SHC3: variants seen among roughly 807,000 people sequenced by gnomAD.
SHC3 encodes SHC-transforming protein 3.
A neutral mutation model predicts 60.4 loss-of-function variants in SHC3; 15 were observed. The observed-to-expected ratio is 0.25, with a 90% CI of 0.17 to 0.38. SHC3 has a LOEUF of 0.38. Among genes scored for constraint, SHC3 ranks in the 10% least tolerant of loss-of-function variants. The pLI, the probability that SHC3 is intolerant of heterozygous loss-of-function variation, is 1.00. For synonymous variants in SHC3, 294 were observed against 325.9 expected, an observed-to-expected ratio of 0.90 and a Z score of 1.05; for missense variants, 677 against 786.1, an observed-to-expected ratio of 0.86 and a Z score of 1.66.
chr9:89,123,869 TC>T (rs2118147411), intron 1 of SHC3, among the ~76,000 whole-genome samples: 1 of 152,270 alleles, frequency 6.6e-6, no homozygotes, highest in East Asian at 1.9e-4. Context: ...GGGAATGTCA[TC>T]CATGCTAGAC....
In SHC3 at chr9:89,166,902, T is replaced by G. The variant is rs562822852; in HGVS notation, c.474+11085A>C. On this transcript the variant is annotated intron_variant, in intron 1 of 11. Coordinates refer to ENST00000375835, the MANE Select transcript of SHC3 (RefSeq NM_016848.6). ...GCACCTTCTAATGACTGTATTACAC[T>G]TTGCTGTTGTCTGCACCTTGAGGTT... Among the ~76,000 whole-genome samples the G allele has an allele frequency of 2.6e-5, 4 of 152,332 alleles. No individual in the cohort carries two copies. In the East Asian group the frequency reaches 5.8e-4, roughly 22 times the overall value.
At chr9:89,070,699 T>C (rs772267573) in intron 5 of SHC3, among the ~76,000 whole-genome samples, 2 of 152,216 alleles carry the variant, frequency 1.3e-5, no homozygotes, top group Admixed American at 6.5e-5. Flanking sequence ...TCTCTCTCTC[T>C]CTGCAACTCC....
intron 1 of SHC3, among the ~76,000 whole-genome samples, chr9:89,120,331 A>G (rs115516740): frequency 6.6e-6 from 1 of 152,184 alleles, no homozygotes; most frequent in Non-Finnish European, 1.5e-5. Context: ...CAAAACCTTT[A>G]ATATCCAGGG....
intron 11 of SHC3, among the ~76,000 whole-genome samples, chr9:89,030,185 G>T (rs1396661898): frequency 6.6e-6 from 1 of 152,074 alleles, no homozygotes; most frequent in Admixed American, 6.6e-5. Context: ...AGATACAAAA[G>T]TTATACACAC....
intron 6 of SHC3, among the ~76,000 whole-genome samples, chr9:89,056,875 C>G (rs776061564): frequency 6.6e-6 from 1 of 152,254 alleles, no homozygotes; most frequent in Non-Finnish European, 1.5e-5. Flanking sequence ...CCTGCCCAAG[C>G]CAAGGCAAAA....
At chr9:89,033,021 C>G (rs545084733) in intron 11 of SHC3, among the ~76,000 whole-genome samples, 3 of 145,120 alleles carry the variant, frequency 2.1e-5, no homozygotes, top group African/African-American at 7.5e-5. Context: ...AAAAAAGCCC[C>G]CCCACCGAAG....
intron 1 of SHC3, among the ~76,000 whole-genome samples, chr9:89,141,788 C>A (rs1038595695): frequency 1.3e-5 from 2 of 151,830 alleles, no homozygotes; most frequent in Non-Finnish European, 2.9e-5. Flanking sequence ...TTTCAACTTG[C>A]GGTCACAGGG....
intron 7 of SHC3, 86 bp from the exon 8 acceptor site, chr9:89,047,080 A>G: frequency 1.4e-6 from 2 of 1,397,342 alleles, no homozygotes; most frequent in Middle Eastern, 2.1e-4. Context: ...GCCTGTTATT[A>G]AGAAAAGAGA....
intron 9 of SHC3, among the ~76,000 whole-genome samples, chr9:89,042,507 C>T (rs11137490): frequency 0.26 from 39,856 of 152,146 alleles, 6,525 homozygotes; most frequent in African/African-American, 0.46. Flanking sequence ...ACATGCCTGA[C>T]CTCCTCTCCT....
chr9:89,041,088 T>C (rs1427592694), intron 10 of SHC3, among the ~76,000 whole-genome samples: 2 of 152,236 alleles, frequency 1.3e-5, no homozygotes, highest in African/African-American at 4.8e-5. Flanking sequence ...TAGCACATGG[T>C]AGAAAATCAT....
chr9:89,006,742 A>G lies in SHC3; in HGVS notation c.*6705T>C, dbSNP rs1045668118. On this transcript the variant is annotated 3_prime_UTR_variant, in exon 12 of 12. Transcript: ENST00000375835. Reference sequence around the variant, plus strand: ...AAACATTCACATACTTAATTTTACAATATTCTGGAACAAGTTATATTCAAA... The same window carrying G: ...AAACATTCACATACTTAATTTTACAGTATTCTGGAACAAGTTATATTCAAA... 2 of 152,258 alleles carry G rather than the reference A, an allele frequency of 1.3e-5. No individual in the cohort carries two copies. The highest frequency in any genetic ancestry group is 2.9e-5 in the Non-Finnish European group (2 of 68,048). The allele number at this position is 152,258 out of a possible 1,614,324, so 9.4% of individuals were successfully genotyped here. A position where few individuals can be genotyped will look rare whatever the true frequency, so the allele number is the denominator to read the frequency against.
intron 2 of SHC3, among the ~76,000 whole-genome samples, chr9:89,095,967 T>C (rs955340943): frequency 6.6e-6 from 1 of 152,170 alleles, no homozygotes; most frequent in African/African-American, 2.4e-5. Context: ...GCAGCATCCC[T>C]TAGCACTCCC....
chr9:89,095,962 A>G (rs528660354), intron 2 of SHC3, among the ~76,000 whole-genome samples: 2 of 152,158 alleles, frequency 1.3e-5, no homozygotes, highest in Non-Finnish European at 2.9e-5. Flanking sequence ...CCGAGGCAGC[A>G]TCCCTTAGCA....
At chr9:89,066,821 C>A (rs963676258) in intron 5 of SHC3, among the ~76,000 whole-genome samples, 3 of 152,148 alleles carry the variant, frequency 2.0e-5, no homozygotes, top group Non-Finnish European at 4.4e-5. Context: ...CAGTGCCCTA[C>A]AAAAGCTCTC....
intron 10 of SHC3, among the ~76,000 whole-genome samples, chr9:89,039,629 G>A (rs1022476397): frequency 1.5e-4 from 22 of 149,514 alleles, no homozygotes; most frequent in African/African-American, 3.7e-4. Flanking sequence ...CACCGCCATC[G>A]TCGCCATCGT....
intron 2 of SHC3, chr9:89,109,100 TG>T (rs931071145): frequency 3.8e-5 from 37 of 985,516 alleles, no homozygotes; most frequent in Non-Finnish European, 4.5e-5. Flanking sequence ...TCTCTCAGCC[TG>T]GGCCAGGTCC....
chr9:89,026,980 G>T (rs532812888), intron 11 of SHC3, among the ~76,000 whole-genome samples: 3 of 152,294 alleles, frequency 2.0e-5, no homozygotes, highest in Admixed American at 1.3e-4. Flanking sequence ...CATCTCCAAG[G>T]TTGCCCAAGA....
intron 8 of SHC3, 47 bp from the exon 9 acceptor site, chr9:89,045,880 C>G: frequency 6.3e-7 from 1 of 1,586,120 alleles, no homozygotes; most frequent in Non-Finnish European, 8.6e-7. Flanking sequence ...ATTTTCTTCT[C>G]ATTTCACCAC....
At chr9:89,049,784 C>G (rs1158791359) in intron 7 of SHC3, among the ~76,000 whole-genome samples, 2 of 152,214 alleles carry the variant, frequency 1.3e-5, no homozygotes, top group Non-Finnish European at 2.9e-5. Flanking sequence ...CCAACTGTTC[C>G]AACTGTGTTC....
Sources: gnomAD v4.1 joint callset for allele counts (sites outside exome capture counted in the v4.1 genomes callset) on GRCh38, gnomAD v4.1.1 for gene constraint, MANE v1.5 for transcripts, NCBI Gene and HGNC (gene_info 2026-07-23, HGNC 2026-07-21) for gene names.